Variants in ZNF705A observed in about 807,000 individuals in gnomAD.
ZNF705A encodes zinc finger protein 705A.
A neutral mutation model predicts 16.6 loss-of-function variants in ZNF705A; 8 were observed. The observed-to-expected ratio is 0.48, with a 90% CI of 0.28 to 0.87. ZNF705A has a LOEUF of 0.87. ZNF705A is among the 40% of genes least tolerant of loss of function. The pLI, the probability that ZNF705A is intolerant of heterozygous loss-of-function variation, is 0.10. For synonymous variants in ZNF705A, 73 were observed against 117.3 expected, an observed-to-expected ratio of 0.62 and a Z score of 2.44; for missense variants, 233 against 359.9, an observed-to-expected ratio of 0.65 and a Z score of 2.85.
At chr12:8,173,993 G>A (rs1948464822) in intron 1 of ZNF705A, among the ~76,000 whole-genome samples, 1 of 152,012 alleles carries the variant, frequency 6.6e-6, no homozygotes, top group Admixed American at 6.6e-5. Context: ...GAAATTCATG[G>A]TAAATTTCAT....
chr12:8,161,875 G>A (rs777583616), intron 1 of ZNF705A, among the ~76,000 whole-genome samples: 3 of 152,108 alleles, frequency 2.0e-5, no homozygotes, highest in Non-Finnish European at 4.4e-5. Flanking sequence ...AATCTGTAGC[G>A]GCAACTGCTT....
At chr12:8,171,460 G>C (rs1222684122), upstream of ZNF705A, among the ~76,000 whole-genome samples, 1 of 152,108 alleles carries the variant, frequency 6.6e-6, no homozygotes, top group Non-Finnish European at 1.5e-5. Flanking sequence ...CAGAGATATT[G>C]CAACTAACAA....
At chr12:8,173,481 A>G (rs1948461263) in intron 1 of ZNF705A, among the ~76,000 whole-genome samples, 1 of 152,196 alleles carries the variant, frequency 6.6e-6, no homozygotes, top group Non-Finnish European at 1.5e-5. Context: ...GAGAAGGTAA[A>G]TTTAAAAGAG....
At chr12:8,170,131 G>A (rs1315437336), upstream of ZNF705A, among the ~76,000 whole-genome samples, 5 of 150,784 alleles carry the variant, frequency 3.3e-5, no homozygotes, top group Admixed American at 2.6e-4. Flanking sequence ...GGAGGTTGCA[G>A]TGAGCCGAGA....
chr12:8,170,017 C>T (rs951259836), upstream of ZNF705A, among the ~76,000 whole-genome samples: 6 of 152,176 alleles, frequency 3.9e-5, no homozygotes, highest in East Asian at 1.2e-3. Context: ...TGGAGAAACC[C>T]CGTCTCGACT....
At chr12:8,159,555 A>G (rs1185356519) in intron 1 of ZNF705A, among the ~76,000 whole-genome samples, 1 of 152,150 alleles carries the variant, frequency 6.6e-6, no homozygotes, top group Non-Finnish European at 1.5e-5. Context: ...TTCCCTGATC[A>G]TTAGTGATGC....
Position 8,157,108 on chromosome 12 carries a change from G to T in ZNF705A, c.-72+16G>T. 2.5e-6 allele frequency: 1 copy of T among 397,790 alleles called. No individual in the cohort carries two copies. Among genetic ancestry groups the T allele is most frequent in the South Asian group, 1.3e-4 (1 of 7,842 alleles). The allele number at this position is 397,790 out of a possible 1,614,324, so 24.6% of individuals were successfully genotyped here. On this transcript the variant is annotated intron_variant, in intron 1 of 5. Transcript: ENST00000396570. ...CCGCTTAAAGGTATAACTTTGCCATGAGTAATCAGACTTCCTGTTCTAATG... is the reference window on the plus strand; with the variant it reads ...CCGCTTAAAGGTATAACTTTGCCATTAGTAATCAGACTTCCTGTTCTAATG...
chr12:8,171,841 A>T (rs1350043122), upstream of ZNF705A, among the ~76,000 whole-genome samples: 2 of 151,932 alleles, frequency 1.3e-5, no homozygotes, highest in Non-Finnish European at 2.9e-5. Context: ...GGTTCAAGAG[A>T]TTCTCCTGCT....
Position 8,165,724 on chromosome 12 carries a change from C to T in ZNF705A, c.-71-6831C>T, listed in dbSNP as rs753253963. 4.6e-5 allele frequency among the ~76,000 whole-genome samples: 7 copies of T among 152,158 alleles called. No individual in the cohort carries two copies. In the South Asian group the frequency reaches 1.2e-3, roughly 27 times the overall value. On this transcript the variant is annotated intron_variant, in intron 1 of 5. Coordinates refer to the ZNF705A transcript ENST00000396570. Reference sequence around the variant, plus strand: ...CCAGTATCTGTTGTTCCGATCTTTACGTCCATGTGTAACCAATGCTTTGTT... The same window carrying T: ...CCAGTATCTGTTGTTCCGATCTTTATGTCCATGTGTAACCAATGCTTTGTT...
intron 1 of ZNF705A, among the ~76,000 whole-genome samples, chr12:8,163,694 C>T (rs1948375882): frequency 6.6e-6 from 1 of 152,180 alleles, no homozygotes; most frequent in African/African-American, 2.4e-5. Flanking sequence ...TTCTACCTAC[C>T]ATGGCTAGTA....
chr12:8,173,852 C>T (rs1380997442), intron 1 of ZNF705A, among the ~76,000 whole-genome samples: 1 of 152,186 alleles, frequency 6.6e-6, no homozygotes, highest in Non-Finnish European at 1.5e-5. Flanking sequence ...CAAAACACAT[C>T]ATAGGTCTCT....
At chr12:8,164,924 A>T (rs1449923738) in intron 1 of ZNF705A, among the ~76,000 whole-genome samples, 3 of 152,212 alleles carry the variant, frequency 2.0e-5, no homozygotes, top group Non-Finnish European at 4.4e-5. Flanking sequence ...GTCTTCCACA[A>T]TAGTTGAACT....
chr12:8,167,803 AAG>A (rs1283825846), upstream of ZNF705A, among the ~76,000 whole-genome samples: 1 of 152,210 alleles, frequency 6.6e-6, no homozygotes, highest in Non-Finnish European at 1.5e-5. Context: ...ACAGCGGAAA[AAG>A]AGACTGAGCG....
upstream of ZNF705A, chr12:8,168,707 A>G (rs1948420416): frequency 6.6e-6 from 1 of 152,228 alleles, no homozygotes; most frequent in African/African-American, 2.4e-5. Context: ...TGCATTGGAC[A>G]ATGCAGATAT....
chr12:8,177,745 G>T, exon 5 of ZNF705A: 1 of 1,169,860 alleles, frequency 8.5e-7, no homozygotes, highest in Admixed American at 2.8e-5. Context: ...ACTGTGTTAG[G>T]AATGACGAAG....
chr12:8,177,423 G>C (rs1318413685), exon 5 of ZNF705A: 2 of 1,612,054 alleles, frequency 1.2e-6, no homozygotes, highest in Non-Finnish European at 1.7e-6. Context: ...AGACATGAGA[G>C]AACTCACCTT....
upstream of ZNF705A, among the ~76,000 whole-genome samples, chr12:8,169,911 C>T (rs947372454): frequency 7.9e-5 from 12 of 152,140 alleles, no homozygotes; most frequent in African/African-American, 1.4e-4. Flanking sequence ...AGATCTGGGC[C>T]GGGCACGGTG....
At chr12:8,169,268 A>G (rs2120714125), upstream of ZNF705A, among the ~76,000 whole-genome samples, 1 of 152,282 alleles carries the variant, frequency 6.6e-6, no homozygotes, top group South Asian at 2.1e-4. Context: ...ACCTTAGAAT[A>G]ATTTTAAATT....
chr12:8,176,032 A>G, intron 4 of ZNF705A, 90 bp downstream of exon 5: 6 of 1,579,082 alleles, frequency 3.8e-6, no homozygotes, highest in Non-Finnish European at 5.2e-6. Context: ...CCTGAGTGTA[A>G]TTAGGCTGGC....
Sources: allele counts gnomAD v4.1 joint callset (sites outside exome capture counted in the v4.1 genomes callset), GRCh38; gene constraint gnomAD v4.1.1; transcripts MANE v1.5; gene names NCBI Gene and HGNC (gene_info 2026-07-23, HGNC 2026-07-21).